Variants in RP1 observed in about 807,000 individuals in gnomAD.
The protein encoded by RP1 is oxygen-regulated protein 1.
A neutral mutation model predicts 14.8 loss-of-function variants in RP1; 16 were observed. The ratio of observed to expected loss-of-function variants is 1.08; its 90% CI spans 0.73 to 1.65. The LOEUF is 1.65. Among genes scored for constraint, RP1 ranks in the 40% most tolerant of loss-of-function variants. The pLI is 0.00. For synonymous variants in RP1, 876 were observed against 883.6 expected (o/e 0.99, Z 0.15); for missense variants, 2,631 against 2,535.0 (o/e 1.04, Z -0.81).
chr8:54,828,097 G>A (rs1256003382), intron 24 of RP1, among the ~76,000 whole-genome samples: 1 of 152,100 alleles, frequency 6.6e-6, no homozygotes, highest in Non-Finnish European at 1.5e-5. Context: ...TGATAACGAT[G>A]CTTTCTTCTG....
chr8:54,837,606 G>A, exon 25 of RP1: 2 of 1,232,026 alleles, frequency 1.6e-6, no homozygotes, highest in Non-Finnish European at 2.0e-6. Flanking sequence ...AGCTGAGAAT[G>A]AAAATGATGG....
chr8:54,824,961 T>A (rs1340516052), intron 24 of RP1, among the ~76,000 whole-genome samples: 4 of 133,748 alleles, frequency 3.0e-5, no homozygotes, highest in Non-Finnish European at 5.0e-5. Flanking sequence ...TTTTTCTTTC[T>A]TTTTTTTTTT....
chr8:54,627,864 C>G lies in RP1; in HGVS notation c.3982C>G (p.Pro1328Ala). ...GAACCATACCTATGAGGGAGCTTGCCCAATTGATGAGACCTACGTTCCTGT... is the reference window on the plus strand; with the variant it reads ...GAACCATACCTATGAGGGAGCTTGCGCAATTGATGAGACCTACGTTCCTGT... ...KENHTYEGAC[P>A]IDETYVPVNV... The change falls in exon 4 of 4, where the codon CCA becomes GCA. Residue 1328 changes from proline (P) to alanine (A), a missense_variant. Coordinates refer to ENST00000220676, the MANE Select transcript of RP1 (RefSeq NM_006269.2). 1 of 1,614,056 alleles carries G rather than the reference C, an allele frequency of 6.2e-7. No homozygotes were observed. The highest frequency in any genetic ancestry group is 8.5e-7 in the Non-Finnish European group (1 of 1,179,964).
rs534050122 is a variant in RP1 at position 54,809,098 on chromosome 8, A to AT, written c.3615+25394dup. 3.5e-4 allele frequency among the ~76,000 whole-genome samples: 53 copies of AT among 152,228 alleles called. 1 individual carries two copies. Among genetic ancestry groups the AT allele is most frequent in the Admixed American group, 3.1e-3 (48 of 15,290 alleles). On this transcript the variant is annotated intron_variant, in intron 24 of 28. Transcript: ENST00000637698. ...ACCTATGTTCCTTAACAATTTAGCT[A>AT]TTTTTTCCTGTCTTTATATACTCTG...
intron 24 of RP1, among the ~76,000 whole-genome samples, chr8:54,831,042 C>CT (rs2129401054): frequency 6.6e-6 from 1 of 152,156 alleles, no homozygotes; most frequent in African/African-American, 2.4e-5. Context: ...TACTTCACTT[C>CT]TTTTTATGGC....
At chr8:54,742,218 C>T (rs1317368616) in intron 19 of RP1, among the ~76,000 whole-genome samples, 3 of 152,166 alleles carry the variant, frequency 2.0e-5, no homozygotes, top group Admixed American at 2.0e-4. Context: ...TCTTTGCTTT[C>T]TGGCTTTAAA....
exon 7 of RP1, chr8:54,663,758 A>G: frequency 6.5e-7 from 1 of 1,535,210 alleles, no homozygotes; most frequent in Non-Finnish European, 8.7e-7. Flanking sequence ...AACAGTAGCA[A>G]ACGTCTACAT....
intron 27 of RP1, chr8:54,857,156 A>G: frequency 1.3e-6 from 1 of 745,778 alleles, no homozygotes; most frequent in Non-Finnish European, 1.8e-6. Flanking sequence ...TTTATGAAAA[A>G]TCGTATAAGA....
At position 54,726,319 on chromosome 8, in the gene RP1, G is replaced by A. The variant is rs777127181; in HGVS notation, c.2390-26G>A. ...AAGAAACAAGTGATTTTGAAAGGAT[G>A]GCATCTTTTAAAATCTTAATTTCAG... On this transcript the variant is annotated intron_variant, in intron 16 of 22. Transcript: ENST00000636932. The A allele has an allele frequency of 1.5e-5, 22 of 1,510,528 alleles. No homozygotes were observed. The South Asian group carries it at 2.8e-4, about 19-fold the overall frequency. 93.6% of individuals were successfully genotyped at this position (1,510,528 alleles called of 1,614,324 possible).
intron 24 of RP1, among the ~76,000 whole-genome samples, chr8:54,797,597 T>C (rs1810605819): frequency 6.6e-6 from 1 of 151,816 alleles, no homozygotes; most frequent in South Asian, 2.1e-4. Flanking sequence ...ACTGCATGTG[T>C]TAGGAACCAT....
intron 25 of RP1, among the ~76,000 whole-genome samples, chr8:54,841,452 C>T (rs1229047123): frequency 6.6e-6 from 1 of 152,214 alleles, no homozygotes; most frequent in Non-Finnish European, 1.5e-5. Flanking sequence ...TTGGCACTTA[C>T]ACTCTGAGCT....
rs1390089906 is a variant in RP1, at chr8:54,630,482, C to T, written c.*129C>T. The T allele has an allele frequency of 2.0e-6, 3 of 1,498,300 alleles. No homozygotes were observed. The highest frequency in any genetic ancestry group is 1.4e-5 in the African/African-American group (1 of 71,028). 92.8% of individuals were successfully genotyped at this position (1,498,300 alleles called of 1,614,324 possible). On this transcript the variant is annotated 3_prime_UTR_variant, in exon 4 of 4. Coordinates refer to ENST00000220676, the MANE Select transcript of RP1 (RefSeq NM_006269.2). The stretch of plus-strand genomic sequence containing the variant: ...TTCAAAATGAACTTACTCTAGAAAG[C>T]TTACCCTTGGATAACCAGTTTGACT...
intron 24 of RP1, among the ~76,000 whole-genome samples, chr8:54,821,991 G>T (rs1016628159): frequency 6.6e-6 from 1 of 152,142 alleles, no homozygotes; most frequent in Non-Finnish European, 1.5e-5. Flanking sequence ...GGCTTCCATT[G>T]GCTAAGCTGC....
chr8:54,859,848 A>T (rs531653329), intron 27 of RP1, among the ~76,000 whole-genome samples: 1 of 152,298 alleles, frequency 6.6e-6, no homozygotes, highest in Non-Finnish European at 1.5e-5. Context: ...AGCTAGTTAC[A>T]GTCAGAGCTG....
intron 24 of RP1, among the ~76,000 whole-genome samples, chr8:54,785,745 T>A (rs1377016220): frequency 6.6e-6 from 1 of 152,108 alleles, no homozygotes; most frequent in East Asian, 1.9e-4. Flanking sequence ...CGAAATAGTA[T>A]CTTATTGTGA....
At chr8:54,734,738 G>A in exon 18 of RP1, 19 of 1,528,642 alleles carry the variant, frequency 1.2e-5, no homozygotes, top group Non-Finnish European at 1.7e-5. Context: ...ACGAGGATGA[G>A]TTTCAGGTAA....
intron 24 of RP1, among the ~76,000 whole-genome samples, chr8:54,815,502 T>A (rs1478530273): frequency 2.6e-5 from 4 of 152,222 alleles, no homozygotes; most frequent in Non-Finnish European, 5.9e-5. Context: ...CAATGTTGCT[T>A]GGTAACAATA....
At chr8:54,722,264 GT>G (rs113532231) in intron 16 of RP1, among the ~76,000 whole-genome samples, 9 of 143,068 alleles carry the variant, frequency 6.3e-5, no homozygotes, top group Admixed American at 2.1e-4. Context: ...TTTTAGAATG[GT>G]TTTTTTTTTT....
At chr8:54,812,228 C>T (rs1737883989) in intron 24 of RP1, among the ~76,000 whole-genome samples, 1 of 151,784 alleles carries the variant, frequency 6.6e-6, no homozygotes, top group Non-Finnish European at 1.5e-5. Context: ...GCAACTTCTG[C>T]CTCCCAGACT....
Sources: allele counts gnomAD v4.1 joint callset (sites outside exome capture counted in the v4.1 genomes callset), GRCh38; gene constraint gnomAD v4.1.1; transcripts MANE v1.5; gene names NCBI Gene and HGNC (gene_info 2026-07-23, HGNC 2026-07-21).